The following FANCB variants were observed in gnomAD, a reference collection of about 807,000 sequenced individuals.
The protein encoded by FANCB is Fanconi anemia group B protein.
A neutral mutation model predicts 38.9 loss-of-function variants in FANCB; 5 were observed. The ratio of observed to expected loss-of-function variants is 0.13; its 90% confidence interval spans 0.07 to 0.27. The LOEUF (loss-of-function observed/expected upper bound fraction) is 0.27. Ranked by LOEUF, FANCB falls within the 10% of genes least tolerant of loss-of-function variation. The pLI is 1.00. For missense variants in FANCB, 573 were observed against 602.7 expected (o/e 0.95, Z 0.52); for synonymous variants, 236 against 215.4 (o/e 1.10, Z -0.84).
chrX:14,772,445 T>C, the FANCB span, among the ~76,000 whole-genome samples: 3 of 112,339 alleles, frequency 2.7e-5, no homozygotes, highest in South Asian at 7.4e-4. Flanking sequence ...ATTGTCTGTG[T>C]TCTCCACAGC....
At chrX:14,712,371 C>A in the FANCB span, among the ~76,000 whole-genome samples, 2 of 111,619 alleles carry the variant, frequency 1.8e-5, no homozygotes, top group Non-Finnish European at 3.8e-5. Flanking sequence ...CAAAAATGAC[C>A]CTAGTTGAGA....
At chrX:14,831,440 A>G (rs149568028), downstream of FANCB, among the ~76,000 whole-genome samples, 349 of 112,134 alleles carry the variant, frequency 3.1e-3, 1 homozygote, top group African/African-American at 0.01. Context: ...CTGAGAGGTG[A>G]GAAATGAATG....
At chrX:14,859,926 T>C (rs189913291) in intron 3 of FANCB, among the ~76,000 whole-genome samples, 1 of 111,218 alleles carries the variant, frequency 9.0e-6, no homozygotes, top group East Asian at 2.8e-4. Context: ...CCTTAAACCC[T>C]GATGTGGGTG....
chrX:14,808,765 A>G, the FANCB span, among the ~76,000 whole-genome samples: 1 of 112,490 alleles, frequency 8.9e-6, no homozygotes, highest in African/African-American at 3.2e-5. Flanking sequence ...GAAAGGAAGA[A>G]GTCAAATTAT....
At chrX:14,746,971 T>C in the FANCB span, among the ~76,000 whole-genome samples, 1 of 111,724 alleles carries the variant, frequency 9.0e-6, no homozygotes, top group Non-Finnish European at 1.9e-5. Context: ...ATGAGGGTCA[T>C]TTCTACCCAA....
chrX:14,765,425 T>C, the FANCB span, among the ~76,000 whole-genome samples: 1 of 112,212 alleles, frequency 8.9e-6, no homozygotes, highest in East Asian at 2.8e-4. Context: ...CCCATTATCT[T>C]GGCCAGCCAG....
At chrX:14,838,562 C>T (rs1182713791), downstream of FANCB, among the ~76,000 whole-genome samples, 1 of 111,647 alleles carries the variant, frequency 9.0e-6, no homozygotes, top group Non-Finnish European at 1.9e-5. Context: ...AGTATTAAAG[C>T]ATATTGATTT....
chrX:14,745,892 A>G, the FANCB span, among the ~76,000 whole-genome samples: 24 of 107,446 alleles, frequency 2.2e-4, no homozygotes, highest in South Asian at 8.5e-4. Context: ...AGTAGAGACA[A>G]GGTTTCACCG....
At chrX:14,729,122 G>A in the FANCB span, among the ~76,000 whole-genome samples, 7 of 112,071 alleles carry the variant, frequency 6.2e-5, no homozygotes, top group Admixed American at 6.6e-4. Context: ...TGTGGATGAA[G>A]ACACTACTGA....
the FANCB span, among the ~76,000 whole-genome samples, chrX:14,785,257 G>A: frequency 6.3e-5 from 7 of 111,602 alleles, no homozygotes; most frequent in Middle Eastern, 4.7e-3. Context: ...TGTTAATCAC[G>A]TCTAGAAAGT....
the FANCB span, among the ~76,000 whole-genome samples, chrX:14,759,801 GGA>G: frequency 9.9e-6 from 1 of 101,105 alleles, no homozygotes; most frequent in African/African-American, 4.0e-5. Context: ...AAAACACAAT[GGA>G]AAAAAAAAAA....
the FANCB span, among the ~76,000 whole-genome samples, chrX:14,783,868 G>A: frequency 1.8e-5 from 2 of 112,456 alleles, no homozygotes; most frequent in African/African-American, 3.2e-5. Context: ...TTAATTATTC[G>A]TTTCCCATTG....
intron 4 of FANCB, 54 bp downstream of exon 4, chrX:14,859,128 T>TA (rs1226947988): frequency 7.7e-6 from 7 of 910,050 alleles, no homozygotes. Context: ...TTTGAGCACT[T>TA]AAATTTTCTA....
At chrX:14,769,104 A>G in the FANCB span, among the ~76,000 whole-genome samples, 1 of 111,128 alleles carries the variant, frequency 9.0e-6, no homozygotes, top group Non-Finnish European at 1.9e-5. Context: ...CATCAAGGAT[A>G]TTGGCCTGAA....
chrX:14,866,120 AC>A (rs1482305002), intron 2 of FANCB, among the ~76,000 whole-genome samples: 3 of 111,527 alleles, frequency 2.7e-5, no homozygotes, highest in Non-Finnish European at 5.7e-5. Flanking sequence ...CAAAAAAGAA[AC>A]CCCAGGAATA....
the FANCB span, among the ~76,000 whole-genome samples, chrX:14,699,943 C>G: frequency 8.9e-6 from 1 of 111,796 alleles, no homozygotes; most frequent in South Asian, 3.7e-4. Flanking sequence ...CGCAGGGACA[C>G]ATAGAGGGGA....
chrX:14,785,052 T>C, the FANCB span, among the ~76,000 whole-genome samples: 2 of 111,779 alleles, frequency 1.8e-5, no homozygotes, highest in Non-Finnish European at 3.8e-5. Flanking sequence ...TTAGGAAGAA[T>C]AGCTCATGCA....
At chrX:14,727,892 CTT>C in the FANCB span, among the ~76,000 whole-genome samples, 1 of 111,736 alleles carries the variant, frequency 8.9e-6, no homozygotes, top group East Asian at 2.8e-4. Context: ...CCTTGTCCAA[CTT>C]CATCAATTGT....
At chrX:14,735,952 G>A in the FANCB span, among the ~76,000 whole-genome samples, 1 of 111,860 alleles carries the variant, frequency 8.9e-6, no homozygotes, top group African/African-American at 3.3e-5. Context: ...GGAATCTAGA[G>A]AGGCAGTCTG....
Sources: allele counts gnomAD v4.1 joint callset (sites outside exome capture counted in the v4.1 genomes callset), GRCh38; gene constraint gnomAD v4.1.1; transcripts MANE v1.5; gene names NCBI Gene and HGNC (gene_info 2026-07-23, HGNC 2026-07-21).